PHLDB2: variants seen among roughly 807,000 people sequenced by gnomAD.
PHLDB2 encodes the protein pleckstrin homology-like domain family B member 2.
In PHLDB2, 71 loss-of-function variants were observed where a neutral mutation model predicts 123.6. That is an observed-to-expected ratio of 0.57 (90% CI 0.47 to 0.70). The LOEUF is 0.70. Among genes scored for constraint, PHLDB2 ranks in the 30% least tolerant of loss-of-function variants. The pLI is 0.00. For missense variants in PHLDB2, 1,446 were observed against 1,519.5 expected (o/e 0.95, Z 0.80); for synonymous variants, 547 against 541.6 (o/e 1.01, Z -0.14).
chr3:111,960,361 T>C (rs994627756), intron 12 of PHLDB2, among the ~76,000 whole-genome samples: 1 of 152,232 alleles, frequency 6.6e-6, no homozygotes, highest in Non-Finnish European at 1.5e-5. Flanking sequence ...GCTATATGGC[T>C]TTAAAAAATA....
chr3:111,969,829 A>T lies in PHLDB2; in HGVS notation c.3455A>T (p.Lys1152Ile), dbSNP rs984241960. Reference sequence around the variant, plus strand: ...AAGACCTGCCGAGGATTCCTCATCAAAATGGGTGGGAAAATTAAAACGTGG... The same window carrying T: ...AAGACCTGCCGAGGATTCCTCATCATAATGGGTGGGAAAATTAAAACGTGG... Reference protein sequence around the residue: ...TEKTCRGFLIKMGGKIKTWKK... With the variant: ...TEKTCRGFLIIMGGKIKTWKK... Residue 1152 changes from lysine (K) to isoleucine (I), a missense_variant, in exon 16 of 18, where the codon AAA (lysine) becomes ATA (isoleucine). Lys to Ile is a moderately radical substitution (Grantham distance 102). This residue lies in a region of PHLDB2 where 594 missense variants were observed against 646.0 expected (regional missense o/e 0.92). Coordinates refer to ENST00000431670, the MANE Select transcript of PHLDB2 (RefSeq NM_001134438.2). 15 of 1,613,984 alleles carry T rather than the reference A, an allele frequency of 9.3e-6. No individual in the cohort carries two copies. Among genetic ancestry groups the T allele is most frequent in the Non-Finnish European group, 1.2e-5 (14 of 1,179,948 alleles).
At position 111,754,372 on chromosome 3, in the gene PHLDB2, T is replaced by C. The variant is rs926504350; in HGVS notation, c.-49+21669T>C. On this transcript the variant is annotated intron_variant, in intron 1 of 17. Coordinates refer to the PHLDB2 transcript ENST00000393923. Reference sequence around the variant, plus strand: ...CCTTGAAGAGGTCCTTCACATCCCTTGTAAGTTGGATTCCTAGGTATTTTA... The same window carrying C: ...CCTTGAAGAGGTCCTTCACATCCCTCGTAAGTTGGATTCCTAGGTATTTTA... Among the ~76,000 whole-genome samples, 12 of 142,348 alleles carry C rather than the reference T, an allele frequency of 8.4e-5. No homozygotes were observed. The Admixed American group carries it at 8.5e-4, about 10-fold the overall frequency. 93.4% of individuals were successfully genotyped at this position (142,348 alleles called of 152,430 possible).
chr3:111,792,079 T>C (rs1213933383), intron 1 of PHLDB2, among the ~76,000 whole-genome samples: 1 of 152,226 alleles, frequency 6.6e-6, no homozygotes, highest in Non-Finnish European at 1.5e-5. Flanking sequence ...CATACAATGT[T>C]TGTCTATATG....
In PHLDB2 at chr3:111,859,534, C is replaced by T; in HGVS notation, c.-57C>T. On this transcript the variant is annotated 5_prime_UTR_variant, in exon 1 of 18. Coordinates refer to ENST00000431670, the MANE Select transcript of PHLDB2 (RefSeq NM_001134438.2). Reference sequence around the variant, plus strand: ...GTGTGGCGTGGCGCAAGGAGCGCGCCTGCCTTCTCTCGCCGCCGGGAACGG... The same window carrying T: ...GTGTGGCGTGGCGCAAGGAGCGCGCTTGCCTTCTCTCGCCGCCGGGAACGG... The T allele has an allele frequency of 3.0e-6, 3 of 985,588 alleles. No homozygotes were observed. The highest frequency in any genetic ancestry group is 2.4e-6 in the Non-Finnish European group (2 of 830,028). The allele number at this position is 985,588 out of a possible 1,614,324, so 61.1% of individuals were successfully genotyped here.
chr3:111,899,097 T>C (rs1029653792), intron 2 of PHLDB2, among the ~76,000 whole-genome samples: 1 of 152,204 alleles, frequency 6.6e-6, no homozygotes, highest in Non-Finnish European at 1.5e-5. Flanking sequence ...ACTATAGCCT[T>C]ACAGAGTATA....
intron 1 of PHLDB2, among the ~76,000 whole-genome samples, chr3:111,788,081 G>A (rs1158683952): frequency 6.6e-6 from 1 of 152,164 alleles, no homozygotes; most frequent in East Asian, 1.9e-4. Flanking sequence ...TTTGTCTCAT[G>A]CATTCTGACC....
intron 1 of PHLDB2, among the ~76,000 whole-genome samples, chr3:111,841,904 T>C (rs1333982061): frequency 6.6e-6 from 1 of 152,190 alleles, no homozygotes; most frequent in Non-Finnish European, 1.5e-5. Context: ...GTGCGGAACC[T>C]AGAAAGTCAG....
intron 1 of PHLDB2, among the ~76,000 whole-genome samples, chr3:111,757,227 A>C (rs1479839571): frequency 2.6e-5 from 4 of 152,198 alleles, no homozygotes; most frequent in African/African-American, 4.8e-5. Context: ...TCTCCTGTAT[A>C]ATATCCTGCA....
At chr3:111,958,294 A>G (rs1200941076) in intron 12 of PHLDB2, 1 of 989,484 alleles carries the variant, frequency 1.0e-6, no homozygotes, top group Non-Finnish European at 1.2e-6. Context: ...ATTCCTCAGC[A>G]GGTGAGCTAT....
At chr3:111,880,634 C>A (rs2065887805) in intron 1 of PHLDB2, among the ~76,000 whole-genome samples, 1 of 151,944 alleles carries the variant, frequency 6.6e-6, no homozygotes, top group Non-Finnish European at 1.5e-5. Context: ...CCTTTGCTGC[C>A]TTAAATCCTT....
intron 1 of PHLDB2, among the ~76,000 whole-genome samples, chr3:111,874,573 G>A (rs1256237275): frequency 2.6e-5 from 4 of 152,180 alleles, no homozygotes; most frequent in Non-Finnish European, 4.4e-5. Context: ...GATGAGGCTA[G>A]TTGTCCTAGC....
chr3:111,962,460 T>C, intron 13 of PHLDB2, 148 bp downstream of exon 13: 2 of 637,656 alleles, frequency 3.1e-6, no homozygotes, highest in Admixed American at 3.6e-5. Context: ...GTTGGTATCA[T>C]GATGGCCTTT....
intron 1 of PHLDB2, among the ~76,000 whole-genome samples, chr3:111,761,094 A>T (rs1400995951): frequency 6.6e-6 from 1 of 151,406 alleles, no homozygotes; most frequent in Non-Finnish European, 1.5e-5. Flanking sequence ...CTGAGGAAGG[A>T]GAATCACCTG....
chr3:111,732,752 A>T lies in PHLDB2; in HGVS notation c.-49+49A>T, dbSNP rs1941542177. On this transcript the variant is annotated intron_variant, in intron 1 of 17. Transcript: ENST00000393923. ...GCCCTTCTCTTGTAATAACAAAATGAGCAGCATATACAGCCTCGTCACCAG... is the reference window on the plus strand; with the variant it reads ...GCCCTTCTCTTGTAATAACAAAATGTGCAGCATATACAGCCTCGTCACCAG... The T allele has an allele frequency of 2.1e-6, 3 of 1,461,116 alleles. No individual in the cohort carries two copies. In the East Asian group the frequency reaches 7.5e-5, roughly 37 times the overall value. 90.5% of individuals were successfully genotyped at this position (1,461,116 alleles called of 1,614,324 possible). A position where few individuals can be genotyped will look rare whatever the true frequency, so the allele number is the denominator to read the frequency against.
At chr3:111,823,753 G>A (rs1245704346) in intron 1 of PHLDB2, among the ~76,000 whole-genome samples, 4 of 152,218 alleles carry the variant, frequency 2.6e-5, no homozygotes, top group Middle Eastern at 3.4e-3. Flanking sequence ...ATGAAGAAAT[G>A]TATGCTGGGT....
intron 2 of PHLDB2, among the ~76,000 whole-genome samples, chr3:111,847,021 C>T (rs1399425384): frequency 6.6e-6 from 1 of 152,138 alleles, no homozygotes; most frequent in Non-Finnish European, 1.5e-5. Flanking sequence ...ATGTGAATAA[C>T]TGCAGGCAGT....
chr3:111,975,356 A>G lies in PHLDB2; in HGVS notation c.*793A>G, dbSNP rs1175660529. 2 of 152,218 alleles carry G rather than the reference A, an allele frequency of 1.3e-5. No homozygotes were observed. The highest frequency in any genetic ancestry group is 4.8e-5 in the African/African-American group (2 of 41,462). 9.4% of individuals were successfully genotyped at this position (152,218 alleles called of 1,614,324 possible). A position where few individuals can be genotyped will look rare whatever the true frequency, so the allele number is the denominator to read the frequency against. On this transcript the variant is annotated 3_prime_UTR_variant, in exon 18 of 18. Transcript: ENST00000431670. ...AACAGGCATTCTGTCATGTTGAACAATTTTAAATAAAGAGAATATCTGGTG... is the reference window on the plus strand; with the variant it reads ...AACAGGCATTCTGTCATGTTGAACAGTTTTAAATAAAGAGAATATCTGGTG...
At chr3:111,809,984 A>G (rs1161548082) in intron 1 of PHLDB2, among the ~76,000 whole-genome samples, 1 of 152,094 alleles carries the variant, frequency 6.6e-6, no homozygotes, top group African/African-American at 2.4e-5. Context: ...GCATCACTGC[A>G]CCCAGGTAAT....
chr3:111,962,489 C>T (rs2071464820), intron 13 of PHLDB2, among the ~76,000 whole-genome samples, 177 bp downstream of exon 13: 1 of 152,158 alleles, frequency 6.6e-6, no homozygotes, highest in Admixed American at 6.5e-5. Flanking sequence ...TTTCTCTTAT[C>T]TTGTGTAACT....
Sources: allele counts gnomAD v4.1 joint callset (sites outside exome capture counted in the v4.1 genomes callset), GRCh38; gene constraint gnomAD v4.1.1; regional missense constraint gnomAD v4.1.1; transcripts MANE v1.5; gene names NCBI Gene and HGNC (gene_info 2026-07-23, HGNC 2026-07-21).